AFF4: variants seen among roughly 807,000 people sequenced by gnomAD.
AFF4 encodes ALF transcription elongation factor 4.
In AFF4, 13 loss-of-function variants were observed where a neutral mutation model predicts 124.8. The ratio of observed to expected loss-of-function variants is 0.10; its 90% CI spans 0.07 to 0.17. AFF4 has a LOEUF of 0.17. Among genes scored for constraint, AFF4 ranks in the 10% least tolerant of loss-of-function variants. The probability of loss-of-function intolerance (pLI) is 1.00; values close to 1 mark genes in which losing one functional copy is unlikely to be tolerated. For missense variants in AFF4, 1,092 were observed against 1,403.8 expected (o/e 0.78, Z 3.55); for synonymous variants, 477 against 496.1 (o/e 0.96, Z 0.51).
At chr5:132,907,706 GAT>G (rs958124939) in intron 5 of AFF4, among the ~76,000 whole-genome samples, 9 of 151,990 alleles carry the variant, frequency 5.9e-5, no homozygotes, top group African/African-American at 2.2e-4. Context: ...AAATTTGAAG[GAT>G]ATATAGGAAA....
intron 1 of AFF4, among the ~76,000 whole-genome samples, chr5:132,939,246 G>A (rs1052275969): frequency 2.0e-5 from 3 of 150,648 alleles, no homozygotes; most frequent in Admixed American, 6.6e-5. Context: ...TGTTCTAAGT[G>A]TTTCAGATAT....
intron 13 of AFF4, among the ~76,000 whole-genome samples, chr5:132,890,627 A>C (rs1262984754): frequency 6.6e-6 from 1 of 152,208 alleles, no homozygotes; most frequent in Non-Finnish European, 1.5e-5. Flanking sequence ...ACTAAATTAC[A>C]GATTATTCTC....
intron 1 of AFF4, among the ~76,000 whole-genome samples, chr5:132,941,437 G>GA (rs1435948229): frequency 6.6e-6 from 1 of 152,068 alleles, no homozygotes; most frequent in Non-Finnish European, 1.5e-5. Context: ...AGGTTCAAAT[G>GA]ATTCTCATGC....
intron 5 of AFF4, among the ~76,000 whole-genome samples, chr5:132,911,420 A>G (rs183848028): frequency 6.6e-6 from 1 of 152,328 alleles, no homozygotes; most frequent in East Asian, 1.9e-4. Flanking sequence ...ATTTTTATTG[A>G]TAACATGTCT....
intron 1 of AFF4, among the ~76,000 whole-genome samples, chr5:132,948,979 C>T (rs1761765697): frequency 6.6e-6 from 1 of 151,942 alleles, no homozygotes; most frequent in Non-Finnish European, 1.5e-5. Flanking sequence ...TGGACTCTTC[C>T]AAGACAGAAG....
chr5:132,888,193 G>A, intron 14 of AFF4, 33 bp from the exon 15 acceptor site: 1 of 1,519,358 alleles, frequency 6.6e-7, no homozygotes, highest in Non-Finnish European at 9.0e-7. Context: ...AAATAGAATA[G>A]TAAATATTTT....
chr5:132,909,537 C>T (rs1416518883), intron 5 of AFF4, among the ~76,000 whole-genome samples: 4 of 151,010 alleles, frequency 2.6e-5, no homozygotes, highest in Admixed American at 6.6e-5. Context: ...TGGTGGTGTG[C>T]GTGTGTGTGT....
intron 10 of AFF4, 152 bp downstream of exon 10, chr5:132,898,078 T>C: frequency 2.0e-6 from 2 of 995,614 alleles, no homozygotes; most frequent in Admixed American, 3.0e-5. Context: ...AGGAACCATC[T>C]AGATTTCCTC....
intron 7 of AFF4, chr5:132,901,153 C>A: frequency 5.1e-6 from 5 of 985,340 alleles, no homozygotes; most frequent in Non-Finnish European, 6.0e-6. Context: ...TGTACTTAGT[C>A]TGAATTCTCT....
intron 5 of AFF4, among the ~76,000 whole-genome samples, chr5:132,907,761 G>C (rs1760702905): frequency 6.8e-6 from 1 of 146,082 alleles, no homozygotes; most frequent in South Asian, 2.2e-4. Flanking sequence ...CATAGGGAGA[G>C]AGAAAACATG....
In AFF4 at chr5:132,902,478, T is replaced by G; in HGVS notation, c.1097A>C (p.Asn366Thr). Residue 366 changes from asparagine (N) to threonine (T), a missense_variant, in exon 7 of 21, where the codon AAT (asparagine) becomes ACT (threonine). By Grantham distance (65) the Asn-to-Thr change is moderately conservative. Around this residue, in one of 11 missense-constraint regions of AFF4, gnomAD observed 148 missense variants for 196.3 expected, o/e 0.75. Transcript: ENST00000265343. ...GTGCCCATTTGAAGTTTTAGAAGGATTATATCTTTCTGGAACAAAAAGAAT... is the reference window on the plus strand; with the variant it reads ...GTGCCCATTTGAAGTTTTAGAAGGAGTATATCTTTCTGGAACAAAAAGAAT... ...NFGTGEQKRY[N>T]PSKTSNGHQS... 6.2e-7 allele frequency: 1 copy of G among 1,608,114 alleles called. No individual in the cohort carries two copies. The highest frequency in any genetic ancestry group is 8.5e-7 in the Non-Finnish European group (1 of 1,174,792).
intron 11 of AFF4, among the ~76,000 whole-genome samples, chr5:132,895,549 T>C (rs985809528): frequency 6.6e-6 from 1 of 152,238 alleles, no homozygotes; most frequent in African/African-American, 2.4e-5. Context: ...TTCACAATCA[T>C]AGACATGTAT....
intron 1 of AFF4, among the ~76,000 whole-genome samples, chr5:132,959,574 C>A (rs892073141): frequency 6.6e-6 from 1 of 151,882 alleles, no homozygotes; most frequent in East Asian, 1.9e-4. Context: ...GCCCCAGTAT[C>A]GTTAAAACTT....
rs1561500996 is a variant in AFF4, at chr5:132,932,201, T to C, written c.940A>G (p.Ser314Gly). ...PLDASASGDV[S>G]CVDEILKEMT... The stretch of plus-strand genomic sequence containing the variant: ...ACTTTTAGGATTTCATCCACACAGC[T>C]CACATCACCAGAAGCTGATGCCTTG... Residue 314 changes from serine (S) to glycine (G), a missense_variant, in exon 4 of 21, where the codon AGC becomes GGC. Coordinates refer to ENST00000265343, the MANE Select transcript of AFF4 (RefSeq NM_014423.4). The C allele has an allele frequency of 1.2e-6, 2 of 1,606,742 alleles. No individual in the cohort carries two copies. The highest frequency in any genetic ancestry group is 8.5e-7 in the Non-Finnish European group (1 of 1,177,226).
Position 132,959,757 on chromosome 5 carries a change from C to CTTTTTTTTTT in AFF4, c.-5+3492_-5+3501dup, listed in dbSNP as rs1163731664. Among the ~76,000 whole-genome samples the CTTTTTTTTTT allele has an allele frequency of 2.7e-4, 19 of 71,506 alleles. 1 individual carries two copies. Among genetic ancestry groups the CTTTTTTTTTT allele is most frequent in the African/African-American group, 6.3e-4 (11 of 17,540 alleles). The allele number at this position is 71,506 out of a possible 152,430, so 46.9% of individuals were successfully genotyped here. ...GTTAACAACAAGTAGGAGTGCTTTT[C>CTTTTTTTTTT]TTTTTTTTTTTTTTTTTTTTTTTTT... On this transcript the variant is annotated intron_variant, in intron 1 of 20. Coordinates refer to ENST00000265343, the MANE Select transcript of AFF4 (RefSeq NM_014423.4).
chr5:132,914,374 G>A (rs1425320348), intron 5 of AFF4, among the ~76,000 whole-genome samples: 3 of 151,834 alleles, frequency 2.0e-5, no homozygotes, highest in East Asian at 1.9e-4. Context: ...AGGCTGAGGC[G>A]GGCAGATCAT....
intron 3 of AFF4, 75 bp downstream of exon 3, chr5:132,934,072 G>T: frequency 6.8e-7 from 1 of 1,465,820 alleles, no homozygotes. Context: ...CAGTGTTCAA[G>T]TTCAATCGTA....
intron 18 of AFF4, 152 bp downstream of exon 18, chr5:132,886,158 C>T: frequency 3.1e-6 from 2 of 650,684 alleles, no homozygotes; most frequent in East Asian, 2.6e-5. Context: ...GATTAAAAAA[C>T]TCAAAGAAAC....
chr5:132,924,501 G>A (rs1051143232), intron 5 of AFF4, among the ~76,000 whole-genome samples: 1 of 152,092 alleles, frequency 6.6e-6, no homozygotes, highest in Non-Finnish European at 1.5e-5. Context: ...TGGGGGTGAT[G>A]GAAATGTTCT....
Sources: gnomAD v4.1 joint callset for allele counts (sites outside exome capture counted in the v4.1 genomes callset) on GRCh38, gnomAD v4.1.1 for gene constraint, gnomAD v4.1.1 regional missense constraint, MANE v1.5 for transcripts, NCBI Gene and HGNC (gene_info 2026-07-23, HGNC 2026-07-21) for gene names.